AGAP1: variants seen among roughly 807,000 people sequenced by gnomAD.
The protein encoded by AGAP1 is ArfGAP with GTPase domain, ankyrin repeat and PH domain 1, also known as arf-GAP with GTPase, ANK repeat and PH domain-containing protein 1.
AGAP1 carries 29 observed loss-of-function variants against 105.3 expected under a neutral mutation model. The ratio of observed to expected loss-of-function variants is 0.28; its 90% CI spans 0.21 to 0.38. The LOEUF is 0.38. AGAP1 is among the 10% of genes least tolerant of loss of function. The pLI, the probability that AGAP1 is intolerant of heterozygous loss-of-function variation, is 1.00. For missense variants in AGAP1, 998 were observed against 1,165.1 expected (o/e 0.86, Z 2.09); for synonymous variants, 509 against 485.9 (o/e 1.05, Z -0.63).
chr2:235,929,707 CT>C (rs34786213), intron 11 of AGAP1, among the ~76,000 whole-genome samples: 1,636 of 152,194 alleles, frequency 0.011, 41 homozygotes, highest in African/African-American at 0.036. Flanking sequence ...CACCGGAGTG[CT>C]TTTGAAAATG....
At chr2:236,023,050 C>G (rs749753779) in intron 13 of AGAP1, among the ~76,000 whole-genome samples, 4 of 152,242 alleles carry the variant, frequency 2.6e-5, no homozygotes, top group Non-Finnish European at 4.4e-5. Flanking sequence ...GGAAAAATAG[C>G]ATTAAAGCCC....
chr2:235,854,453 C>T (rs2048601327), intron 9 of AGAP1, among the ~76,000 whole-genome samples: 1 of 152,254 alleles, frequency 6.6e-6, no homozygotes, highest in Non-Finnish European at 1.5e-5. Flanking sequence ...TGCCAGCTCA[C>T]CTCCCTGCTG....
At chr2:235,972,781 C>T (rs534169686) in intron 13 of AGAP1, among the ~76,000 whole-genome samples, 2 of 152,196 alleles carry the variant, frequency 1.3e-5, no homozygotes, top group African/African-American at 2.4e-5. Context: ...GCACCTCCTA[C>T]AAGCCCCTGA....
At chr2:235,914,646 C>G (rs148706017) in intron 11 of AGAP1, among the ~76,000 whole-genome samples, 3 of 152,194 alleles carry the variant, frequency 2.0e-5, no homozygotes, top group Admixed American at 1.3e-4. Flanking sequence ...GGAAGAAACA[C>G]GCACTGTCAG....
At chr2:235,952,355 T>TA (rs541051208) in intron 12 of AGAP1, among the ~76,000 whole-genome samples, 8,455 of 149,864 alleles carry the variant, frequency 0.056, 485 homozygotes, top group South Asian at 0.15. Context: ...ACATAGGTTT[T>TA]AAAAAAAAAA....
Position 235,936,934 on chromosome 2 carries a change from CT to C in AGAP1, c.1483+6023del, listed in dbSNP as rs900623607. 1.6e-3 allele frequency among the ~76,000 whole-genome samples: 233 copies of C among 144,002 alleles called. No individual in the cohort carries two copies. The highest frequency in any genetic ancestry group is 3.7e-3 in the Middle Eastern group (1 of 272). 94.5% of individuals were successfully genotyped at this position (144,002 alleles called of 152,430 possible). A position where few individuals can be genotyped will look rare whatever the true frequency, so the allele number is the denominator to read the frequency against. ...CAAAGCTTGTAATCATTCCCCTCTG[CT>C]TTTTTTTTTTTAAGGAGAAACGCAT... On this transcript the variant is annotated intron_variant, in intron 12 of 17. Transcript: ENST00000304032. The surrounding 1 kb of genome is among the most constrained non-coding windows in gnomAD (Gnocchi z 4.7).
At chr2:235,849,220 G>A (rs1267722646) in intron 9 of AGAP1, among the ~76,000 whole-genome samples, 6 of 152,140 alleles carry the variant, frequency 3.9e-5, no homozygotes, top group Non-Finnish European at 5.9e-5. Context: ...ACTAAAGACC[G>A]CCATCAAGTT....
In AGAP1 at chr2:235,750,385, C is replaced by T. The variant is rs576969179; in HGVS notation, c.570C>T (p.Ile190=). Residue 190 remains isoleucine (I), a synonymous_variant, in exon 6 of 18, where the codon ATC becomes ATT. Transcript: ENST00000304032. The surrounding 1 kb of genome is among the most constrained non-coding windows in gnomAD (Gnocchi z 5.3). ...DAISSANPRV[I]DDARARKLSN... is the part of the protein sequence containing the mutation. The stretch of plus-strand genomic sequence containing the variant: ...TAAGTTCTGCTAACCCGAGGGTCAT[C>T]GATGACGCCAGGGCGAGGAAGCTCT... 50 of 1,614,176 alleles carry T rather than the reference C, an allele frequency of 3.1e-5. No individual in the cohort carries two copies. In the Admixed American group the frequency reaches 5.5e-4, roughly 18 times the overall value.
chr2:236,044,917 G>A lies in AGAP1; in HGVS notation c.1891+4076G>A, dbSNP rs2057671317. Among the ~76,000 whole-genome samples the A allele has an allele frequency of 1.3e-5, 2 of 152,140 alleles. No individual in the cohort carries two copies. Among genetic ancestry groups the A allele is most frequent in the South Asian group, 4.1e-4 (2 of 4,824 alleles). On this transcript the variant is annotated intron_variant, in intron 15 of 17. Coordinates refer to ENST00000304032, the MANE Select transcript of AGAP1 (RefSeq NM_001037131.3). This position sits in a 1 kb window ranked among gnomAD's most constrained non-coding sequence, Gnocchi z 5.7. ...GATGGGGTCTCGCCCTATAGCCCAG[G>A]ATGGAGTGCAGCAGAAAGGGTAGGC...
intron 1 of AGAP1, chr2:235,669,938 C>T (rs1265429220): frequency 6.5e-6 from 1 of 154,858 alleles, no homozygotes; most frequent in Non-Finnish European, 1.4e-5. Flanking sequence ...GCGCACGGGC[C>T]GGCGGGTGCC....
chr2:236,053,187 C>T lies in AGAP1; in HGVS notation c.2114+3906C>T, dbSNP rs1230496710. Among the ~76,000 whole-genome samples the T allele has an allele frequency of 6.6e-6, 1 of 152,158 alleles. No homozygotes were observed. The highest frequency in any genetic ancestry group is 6.5e-5 in the Admixed American group (1 of 15,270). On this transcript the variant is annotated intron_variant, in intron 16 of 17. Transcript: ENST00000304032. This position sits in a 1 kb window ranked among gnomAD's most constrained non-coding sequence, Gnocchi z 4.6. ...GAGAAGTTGCCAAGCTCCTTGGTGACCCTTTCAAAGGCAAGAGTAATAAGC... is the reference window on the plus strand; with the variant it reads ...GAGAAGTTGCCAAGCTCCTTGGTGATCCTTTCAAAGGCAAGAGTAATAAGC...
At chr2:235,673,857 C>T (rs1227345635) in intron 1 of AGAP1, among the ~76,000 whole-genome samples, 1 of 152,160 alleles carries the variant, frequency 6.6e-6, no homozygotes, top group Non-Finnish European at 1.5e-5. Flanking sequence ...TTTAAAAGAG[C>T]TAGTAAATTT....
intron 12 of AGAP1, among the ~76,000 whole-genome samples, chr2:235,941,098 G>A (rs890485928): frequency 6.6e-6 from 1 of 152,198 alleles, no homozygotes; most frequent in African/African-American, 2.4e-5. Context: ...TCTTAACAGA[G>A]AACCAGTGCT....
At chr2:235,844,124 G>T (rs1352953508) in intron 9 of AGAP1, among the ~76,000 whole-genome samples, 1 of 152,232 alleles carries the variant, frequency 6.6e-6, no homozygotes, top group East Asian at 1.9e-4. Context: ...GCCATCCATT[G>T]TCTGCCTGTG....
At chr2:235,786,884 G>C (rs151246345) in intron 6 of AGAP1, among the ~76,000 whole-genome samples, 4 of 152,168 alleles carry the variant, frequency 2.6e-5, no homozygotes, top group African/African-American at 9.7e-5. Flanking sequence ...CGTGAGCTCC[G>C]TCCATTGGTC....
chr2:235,540,613 T>A (rs1943405643), intron 1 of AGAP1, among the ~76,000 whole-genome samples: 1 of 152,208 alleles, frequency 6.6e-6, no homozygotes, highest in East Asian at 1.9e-4. Flanking sequence ...TGGAGGGGAA[T>A]GCTGGAGAAA....
At position 235,559,606 on chromosome 2, in the gene AGAP1, G is replaced by A. The variant is rs1177842403; in HGVS notation, c.163+64757G>A. Among the ~76,000 whole-genome samples, 2 of 152,114 alleles carry A rather than the reference G, an allele frequency of 1.3e-5. No individual in the cohort carries two copies. The highest frequency in any genetic ancestry group is 2.9e-5 in the Non-Finnish European group (2 of 68,020). ...ATCCAGATCCCCAGACGTGACCACT[G>A]TTATGTGGTTATATGTTACGTTATA... On this transcript the variant is annotated intron_variant, in intron 1 of 17. Transcript: ENST00000304032. This position sits in a 1 kb window ranked among gnomAD's most constrained non-coding sequence, Gnocchi z 5.7.
chr2:235,869,588 G>A (rs570972877), intron 9 of AGAP1, among the ~76,000 whole-genome samples: 11 of 152,288 alleles, frequency 7.2e-5, no homozygotes, highest in Non-Finnish European at 1.5e-4. Flanking sequence ...GCGACAGAGC[G>A]AGACTCCGTC....
intron 16 of AGAP1, among the ~76,000 whole-genome samples, chr2:236,084,611 T>G (rs998604522): frequency 6.6e-6 from 1 of 152,182 alleles, no homozygotes; most frequent in African/African-American, 2.4e-5. Context: ...ATATCAATTT[T>G]AAGAATTTTT....
Sources: gnomAD v4.1 joint callset for allele counts (sites outside exome capture counted in the v4.1 genomes callset) on GRCh38, gnomAD v4.1.1 for gene constraint, Gnocchi (gnomAD v3.1) non-coding constraint, MANE v1.5 for transcripts, NCBI Gene and HGNC (gene_info 2026-07-23, HGNC 2026-07-21) for gene names.